ACSS3: variants seen among roughly 807,000 people sequenced by gnomAD.
ACSS3 encodes the protein acyl-CoA synthetase short-chain family member 3, mitochondrial.
A neutral mutation model predicts 84.2 loss-of-function variants in ACSS3; 64 were observed. That is an observed-to-expected ratio of 0.76 (90% CI 0.62 to 0.94). ACSS3 has a LOEUF of 0.94. Ranked by LOEUF, ACSS3 falls within the 40% of genes least tolerant of loss-of-function variation. ACSS3 has a pLI of 0.00. For missense variants in ACSS3, 815 were observed against 867.6 expected (o/e 0.94, Z 0.76); for synonymous variants, 317 against 310.1 (o/e 1.02, Z -0.23).
At chr12:81,224,244 C>G (rs183537805) in intron 11 of ACSS3, among the ~76,000 whole-genome samples, 7 of 151,992 alleles carry the variant, frequency 4.6e-5, no homozygotes, top group Admixed American at 4.6e-4. Flanking sequence ...TCTTTCCCTT[C>G]CTTCTGCCAA....
At position 81,099,008 on chromosome 12, in the gene ACSS3, G is replaced by T. The variant is rs184723223; in HGVS notation, c.312-10552G>T. Among the ~76,000 whole-genome samples the T allele has an allele frequency of 2.6e-5, 4 of 152,142 alleles. No individual in the cohort carries two copies. In the East Asian group the frequency reaches 7.7e-4, roughly 29 times the overall value. On this transcript the variant is annotated intron_variant, in intron 1 of 15. Transcript: ENST00000548058. ...TTCACAGTCTCTGGTCCAATCAATA[G>T]AAAATTATTATGAAATGTATTAAAT... is the stretch of plus-strand genomic sequence containing the variant.
intron 5 of ACSS3, among the ~76,000 whole-genome samples, chr12:81,146,482 T>C (rs1886347400): frequency 6.6e-6 from 1 of 152,210 alleles, no homozygotes; most frequent in South Asian, 2.1e-4. Context: ...CTCATAAAAC[T>C]CTTCTGCCTA....
chr12:81,128,507 G>A (rs1164638603), intron 2 of ACSS3, among the ~76,000 whole-genome samples: 1 of 151,980 alleles, frequency 6.6e-6, no homozygotes, highest in Non-Finnish European at 1.5e-5. Context: ...GATCTGTATT[G>A]CCCTTGATGT....
At chr12:81,251,843 A>C (rs2034165905) in intron 13 of ACSS3, among the ~76,000 whole-genome samples, 3 of 152,012 alleles carry the variant, frequency 2.0e-5, no homozygotes, top group Admixed American at 2.0e-4. Flanking sequence ...ATCTTGTCTC[A>C]AACAAATAAA....
chr12:81,154,053 G>A (rs1886748623), intron 7 of ACSS3, among the ~76,000 whole-genome samples: 1 of 152,076 alleles, frequency 6.6e-6, no homozygotes, highest in Middle Eastern at 3.2e-3. Context: ...GTGCATTTAG[G>A]TATTTGTAAT....
At chr12:81,171,643 AC>A (rs2030052153) in intron 7 of ACSS3, among the ~76,000 whole-genome samples, 1 of 152,184 alleles carries the variant, frequency 6.6e-6, no homozygotes, top group Admixed American at 6.5e-5. Flanking sequence ...TATAATATTG[AC>A]GAAAATTAGT....
At chr12:81,171,079 A>G (rs1008229845) in intron 7 of ACSS3, among the ~76,000 whole-genome samples, 2 of 152,170 alleles carry the variant, frequency 1.3e-5, no homozygotes, top group African/African-American at 2.4e-5. Flanking sequence ...CTTGCAGCAT[A>G]TATTATGCAA....
At chr12:81,250,559 A>C (rs2136013497) in intron 13 of ACSS3, among the ~76,000 whole-genome samples, 1 of 152,244 alleles carries the variant, frequency 6.6e-6, no homozygotes, top group African/African-American at 2.4e-5. Context: ...AAACTTAGTA[A>C]AATTTAAAAT....
At chr12:81,242,960 G>GTGT (rs1452493746) in intron 13 of ACSS3, among the ~76,000 whole-genome samples, 1 of 152,102 alleles carries the variant, frequency 6.6e-6, no homozygotes, top group Non-Finnish European at 1.5e-5. Context: ...AGACAGGGAT[G>GTGT]CCCTGTCTCA....
intron 2 of ACSS3, among the ~76,000 whole-genome samples, chr12:81,119,022 A>T (rs5027919): frequency 0.88 from 134,099 of 152,112 alleles, 60,321 homozygotes; most frequent in Middle Eastern, 0.97. Context: ...GTTCTTTCTA[A>T]TTTCCCTAAG....
intron 10 of ACSS3, among the ~76,000 whole-genome samples, chr12:81,218,947 A>C (rs1486565917): frequency 7.2e-5 from 11 of 152,180 alleles, no homozygotes; most frequent in South Asian, 4.1e-4. Flanking sequence ...ATAAAAAAAA[A>C]CGCAGGATCC....
intron 8 of ACSS3, among the ~76,000 whole-genome samples, chr12:81,181,537 A>G (rs1432824659): frequency 1.3e-5 from 2 of 152,102 alleles, no homozygotes; most frequent in East Asian, 3.9e-4. Context: ...CCAGTATCTG[A>G]CCCCCAAATT....
chr12:81,171,336 A>G (rs989956636), intron 7 of ACSS3, among the ~76,000 whole-genome samples: 5 of 152,164 alleles, frequency 3.3e-5, no homozygotes, highest in South Asian at 2.1e-4. Flanking sequence ...TCATCAGACT[A>G]TTTTTGAAAC....
At chr12:81,168,751 G>A (rs1887519234) in intron 7 of ACSS3, among the ~76,000 whole-genome samples, 1 of 152,098 alleles carries the variant, frequency 6.6e-6, no homozygotes, top group Admixed American at 6.6e-5. Flanking sequence ...CCCTGTATAT[G>A]GTCATAATCA....
At position 81,078,224 on chromosome 12, in the gene ACSS3, G is replaced by C. The variant is rs1880739028; in HGVS notation, c.104G>C (p.Arg35Thr). Reference sequence around the variant, plus strand: ...GCCCGGGGAGCCGGTGCGGCCCTCAGGGCTTTAGTGGTCCCGGGCCCGCGG... The same window carrying C: ...GCCCGGGGAGCCGGTGCGGCCCTCACGGCTTTAGTGGTCCCGGGCCCGCGG... ...SPARGAGAAL[R>T]ALVVPGPRGG... is the part of the protein sequence containing the mutation. Residue 35 changes from arginine (R) to threonine (T), a missense_variant, in exon 1 of 16, where the codon AGG (arginine) becomes ACG (threonine). Transcript: ENST00000548058. 6.3e-7 allele frequency: 1 copy of C among 1,596,048 alleles called. No individual in the cohort carries two copies. The highest frequency in any genetic ancestry group is 1.3e-5 in the African/African-American group (1 of 74,366).
At chr12:81,232,141 G>T (rs1227599801) in intron 12 of ACSS3, among the ~76,000 whole-genome samples, 1 of 151,770 alleles carries the variant, frequency 6.6e-6, no homozygotes, top group African/African-American at 2.4e-5. Flanking sequence ...CAGTATAGTT[G>T]ACTCCAGTAA....
intron 11 of ACSS3, among the ~76,000 whole-genome samples, chr12:81,223,373 C>T (rs1678117379): frequency 6.6e-6 from 1 of 152,018 alleles, no homozygotes. Context: ...ATATTTACAG[C>T]TTCACGTAAA....
At chr12:81,139,642 G>A (rs7397515) in intron 4 of ACSS3, among the ~76,000 whole-genome samples, 130,359 of 146,716 alleles carry the variant, frequency 0.89, 58,901 homozygotes, top group Middle Eastern at 0.97. Flanking sequence ...AATAATTATT[G>A]TTATTTTTTT....
chr12:81,204,551 A>G (rs1295503172), intron 9 of ACSS3, among the ~76,000 whole-genome samples: 1 of 152,184 alleles, frequency 6.6e-6, no homozygotes, highest in Non-Finnish European at 1.5e-5. Flanking sequence ...ATCCTAGATA[A>G]AAACGCTTTG....
Sources: allele counts gnomAD v4.1 joint callset (sites outside exome capture counted in the v4.1 genomes callset), GRCh38; gene constraint gnomAD v4.1.1; transcripts MANE v1.5; gene names NCBI Gene and HGNC (gene_info 2026-07-23, HGNC 2026-07-21).